PHACTR1: variants seen among roughly 807,000 people sequenced by gnomAD.
The protein encoded by PHACTR1 is RPEL repeat containing 1.
Under a neutral mutation model 69.2 loss-of-function variants are expected in PHACTR1, and 16 were observed. The observed-to-expected ratio is 0.23, with a 90% CI of 0.16 to 0.35. The LOEUF (loss-of-function observed/expected upper bound fraction) is 0.35, where lower values mean the gene tolerates loss of function less well. Among genes scored for constraint, PHACTR1 ranks in the 10% least tolerant of loss-of-function variants. PHACTR1 has a pLI of 1.00. For synonymous variants in PHACTR1, 312 were observed against 284.5 expected, an observed-to-expected ratio of 1.10 and a Z score of -0.97; for missense variants, 510 against 734.7, an observed-to-expected ratio of 0.69 and a Z score of 3.54.
chr6:12,830,709 C>A (rs1209491887), intron 4 of PHACTR1, among the ~76,000 whole-genome samples: 1 of 152,048 alleles, frequency 6.6e-6, no homozygotes, highest in Non-Finnish European at 1.5e-5. Flanking sequence ...CCTTCATCAG[C>A]CTCCTGAGTA....
At chr6:13,244,928 T>C (rs1773387815) in intron 10 of PHACTR1, among the ~76,000 whole-genome samples, 1 of 152,248 alleles carries the variant, frequency 6.6e-6, no homozygotes, top group Non-Finnish European at 1.5e-5. Context: ...ATGAAATCTT[T>C]ACAATTTATG....
intron 5 of PHACTR1, among the ~76,000 whole-genome samples, chr6:13,064,561 T>TAG (rs1808225507): frequency 4.3e-4 from 1 of 2,312 alleles, no homozygotes; most frequent in African/African-American, 9.1e-4. Flanking sequence ...TATATATATA[T>TAG]ATATATATAT....
intron 3 of PHACTR1, among the ~76,000 whole-genome samples, chr6:12,737,617 C>T (rs1449143190): frequency 6.8e-6 from 1 of 146,400 alleles, no homozygotes; most frequent in Non-Finnish European, 1.5e-5. Context: ...TTTTAAGAGA[C>T]AGGGTCTCTC....
chr6:12,952,785 C>T (rs1472371188), intron 4 of PHACTR1, among the ~76,000 whole-genome samples: 1 of 152,094 alleles, frequency 6.6e-6, no homozygotes, highest in East Asian at 1.9e-4. Context: ...AAGAAATTTC[C>T]AAATTGTCTT....
intron 4 of PHACTR1, among the ~76,000 whole-genome samples, chr6:13,050,028 C>T (rs1805678550): frequency 1.3e-5 from 2 of 152,146 alleles, no homozygotes. Context: ...AGGAAGTGAC[C>T]TGTGAGAATC....
intron 9 of PHACTR1, among the ~76,000 whole-genome samples, chr6:13,228,538 G>A (rs1168348784): frequency 6.6e-6 from 1 of 152,216 alleles, no homozygotes; most frequent in Non-Finnish European, 1.5e-5. Context: ...GACAAGAGAA[G>A]AAATGAAGAA....
intron 4 of PHACTR1, among the ~76,000 whole-genome samples, chr6:12,945,814 A>C (rs994917084): frequency 6.6e-6 from 1 of 151,818 alleles, no homozygotes; most frequent in Non-Finnish European, 1.5e-5. Context: ...AAATACAAAA[A>C]TTACCCAGGC....
At chr6:12,863,289 T>A (rs1781125113) in intron 4 of PHACTR1, among the ~76,000 whole-genome samples, 1 of 152,210 alleles carries the variant, frequency 6.6e-6, no homozygotes, top group South Asian at 2.1e-4. Flanking sequence ...GAGGGCCCTC[T>A]TCCTGGCTTG....
Position 12,910,024 on chromosome 6 carries a change from A to G in PHACTR1, c.251-143341A>G, listed in dbSNP as rs569259477. The stretch of plus-strand genomic sequence containing the variant: ...TCGCCTGGTGGTGGCAGTGAGTTCT[A>G]GAGAACAGAGCTGCTTAATCTCCCT... On this transcript the variant is annotated intron_variant, in intron 4 of 14. Coordinates refer to ENST00000332995, the MANE Select transcript of PHACTR1 (RefSeq NM_030948.6). 3.9e-5 allele frequency among the ~76,000 whole-genome samples: 6 copies of G among 152,350 alleles called. No individual in the cohort carries two copies. In the Middle Eastern group the frequency reaches 0.01, roughly 259 times the overall value.
chr6:12,894,901 TG>T (rs1217527550), intron 4 of PHACTR1, among the ~76,000 whole-genome samples: 1 of 152,232 alleles, frequency 6.6e-6, no homozygotes, highest in African/African-American at 2.4e-5. Context: ...CATATTTTTA[TG>T]CTTATATGTA....
intron 4 of PHACTR1, among the ~76,000 whole-genome samples, chr6:12,810,076 G>A (rs573012987): frequency 6.6e-6 from 1 of 152,282 alleles, no homozygotes; most frequent in Admixed American, 6.5e-5. Flanking sequence ...TTCCCAACAA[G>A]TCTTTTAGGT....
At chr6:12,878,885 T>C (rs907290292) in intron 4 of PHACTR1, among the ~76,000 whole-genome samples, 1 of 152,182 alleles carries the variant, frequency 6.6e-6, no homozygotes, top group Admixed American at 6.5e-5. Flanking sequence ...GAGACAGATT[T>C]AGGTGCACCC....
chr6:13,276,794 A>G (rs891350256), intron 11 of PHACTR1, among the ~76,000 whole-genome samples: 1 of 152,106 alleles, frequency 6.6e-6, no homozygotes, highest in East Asian at 1.9e-4. Context: ...AATTAAAAAA[A>G]TTTAAAAAAT....
intron 4 of PHACTR1, among the ~76,000 whole-genome samples, chr6:13,046,233 G>A (rs1000998084): frequency 6.6e-6 from 1 of 152,108 alleles, no homozygotes; most frequent in African/African-American, 2.4e-5. Context: ...AGCCACCTGT[G>A]TGTCCAAGCA....
chr6:12,874,985 T>G (rs1020185860), intron 4 of PHACTR1, among the ~76,000 whole-genome samples: 3 of 152,204 alleles, frequency 2.0e-5, no homozygotes, highest in African/African-American at 7.2e-5. Context: ...CATCTGGTAT[T>G]CAAATGTGTT....
Position 13,283,729 on chromosome 6 carries a change from T to C in PHACTR1, c.1650+167T>C. On this transcript the variant is annotated intron_variant, in intron 13 of 14. Coordinates refer to ENST00000332995, the MANE Select transcript of PHACTR1 (RefSeq NM_030948.6). The surrounding 1 kb of genome is among the most constrained non-coding windows in gnomAD (Gnocchi z 4.7). ...CTTTCCCCAGGGGCCACAGATAATC[T>C]GCGGAAAGGCTGCTGAATCGGAGAA... The C allele has an allele frequency of 1.0e-6, 1 of 987,234 alleles. No homozygotes were observed. Among genetic ancestry groups the C allele is most frequent in the Non-Finnish European group, 1.5e-6 (1 of 664,004 alleles). The allele number at this position is 987,234 out of a possible 1,614,324, so 61.2% of individuals were successfully genotyped here. A position where few individuals can be genotyped will look rare whatever the true frequency, so the allele number is the denominator to read the frequency against.
At chr6:13,052,346 G>A (rs1000898059) in intron 4 of PHACTR1, among the ~76,000 whole-genome samples, 2 of 152,224 alleles carry the variant, frequency 1.3e-5, no homozygotes, top group African/African-American at 4.8e-5. Context: ...GAACTTGCAA[G>A]GAATGCATAG....
chr6:13,210,604 T>TA (rs1554161326), intron 8 of PHACTR1, among the ~76,000 whole-genome samples: 1 of 152,194 alleles, frequency 6.6e-6, no homozygotes, highest in Non-Finnish European at 1.5e-5. Context: ...ACCCAAAGCG[T>TA]ATGGCTCAAC....
At chr6:13,132,435 G>A (rs986921079) in intron 5 of PHACTR1, among the ~76,000 whole-genome samples, 5 of 151,990 alleles carry the variant, frequency 3.3e-5, no homozygotes, top group African/African-American at 9.7e-5. Flanking sequence ...GCAGACACCC[G>A]TGCTCTCCCA....
Sources: gnomAD v4.1 joint callset for allele counts (sites outside exome capture counted in the v4.1 genomes callset) on GRCh38, gnomAD v4.1.1 for gene constraint, Gnocchi (gnomAD v3.1) non-coding constraint, MANE v1.5 for transcripts, NCBI Gene and HGNC (gene_info 2026-07-23, HGNC 2026-07-21) for gene names.